OVCH2: variants seen among roughly 807,000 people sequenced by gnomAD.
The protein encoded by OVCH2 is ovochymase 2.
Under a neutral mutation model 73.7 loss-of-function variants are expected in OVCH2, and 88 were observed. That is an observed-to-expected ratio of 1.19 (90% CI 1.01 to 1.43). The LOEUF (loss-of-function observed/expected upper bound fraction) is 1.43. OVCH2 is among the 40% of genes most tolerant of loss of function. The probability of loss-of-function intolerance (pLI) is 0.00; values close to 1 mark genes in which losing one functional copy is unlikely to be tolerated. For synonymous variants in OVCH2, 265 were observed against 234.5 expected (o/e 1.13, Z -1.19); for missense variants, 706 against 674.5 (o/e 1.05, Z -0.52).
intron 12 of OVCH2, among the ~76,000 whole-genome samples, chr11:7,694,302 C>T (rs1856279275): frequency 6.6e-6 from 1 of 152,170 alleles, no homozygotes; most frequent in Non-Finnish European, 1.5e-5. Context: ...CCACACACTG[C>T]TAATCAAATG....
the OVCH2 span, among the ~76,000 whole-genome samples, chr11:7,684,245 A>C: frequency 1.3e-5 from 2 of 152,058 alleles, no homozygotes; most frequent in Non-Finnish European, 1.5e-5. Flanking sequence ...ATCTCATGCC[A>C]CATATATTCC....
intron 13 of OVCH2, 25 bp downstream of exon 13, chr11:7,691,877 G>A (rs760703148): frequency 9.8e-6 from 15 of 1,530,804 alleles, no homozygotes; most frequent in Middle Eastern, 3.3e-4. Context: ...AAACCAGAGC[G>A]AGCTGAGGCT....
Position 7,695,571 on chromosome 11 carries a change from AG to A in OVCH2, c.1280del (p.Pro427LeufsTer8). 6.2e-7 allele frequency: 1 copy of A among 1,612,290 alleles called. No homozygotes were observed. Among genetic ancestry groups the A allele is most frequent in the Non-Finnish European group, 8.5e-7 (1 of 1,178,684 alleles). On this transcript the variant is annotated frameshift_variant and splice_region_variant, in exon 11 of 16. Transcript: ENST00000533663. LOFTEE classifies it high-confidence loss of function. ...TYKALKPNYIPDSGCSYLTVL... is the reference protein window; with the variant it reads ...TYKALKPNYIXDSGCSYLTVL... ...GTGATTAAAAGTAAATGGTTTTACC[AG>A]GAATGTAGTTTGGTTTAAGAGCTTT...
chr11:7,698,688 T>A, intron 8 of OVCH2, 62 bp downstream of exon 8: 2 of 1,548,352 alleles, frequency 1.3e-6, no homozygotes, highest in Non-Finnish European at 1.8e-6. Flanking sequence ...CAGGAACTGA[T>A]ATTCAGAAAT....
At position 7,704,675 on chromosome 11, in the gene OVCH2, C is replaced by T. The variant is rs1482698354; in HGVS notation, c.89-1G>A. The T allele has an allele frequency of 1.9e-6, 3 of 1,600,210 alleles. No individual in the cohort carries two copies. Among genetic ancestry groups the T allele is most frequent in the African/African-American group, 1.3e-5 (1 of 74,350 alleles). ...ACCAGACTCTGCCCACAACTGGGAG[C>T]TGAGAAAAAAACGAGACAAACTAAA... is the stretch of plus-strand genomic sequence containing the variant. On this transcript the variant is annotated splice_acceptor_variant, in intron 1 of 15. Coordinates refer to ENST00000533663, the MANE Select transcript of OVCH2 (RefSeq NM_198185.7). LOFTEE classifies it high-confidence loss of function.
the OVCH2 span, among the ~76,000 whole-genome samples, chr11:7,679,232 TACA>T: frequency 6.6e-6 from 1 of 152,218 alleles, no homozygotes; most frequent in Non-Finnish European, 1.5e-5. Flanking sequence ...TTTCCTGGCA[TACA>T]ACAACTAAAA....
intron 12 of OVCH2, among the ~76,000 whole-genome samples, chr11:7,692,635 A>C (rs1183540621): frequency 6.6e-6 from 1 of 152,192 alleles, no homozygotes; most frequent in Non-Finnish European, 1.5e-5. Context: ...TCGGAGTCAA[A>C]TGTAGTGAGC....
chr11:7,687,012 G>T (rs1856148912), downstream of OVCH2, among the ~76,000 whole-genome samples: 1 of 151,994 alleles, frequency 6.6e-6, no homozygotes, highest in Non-Finnish European at 1.5e-5. Flanking sequence ...CATACTCCTG[G>T]CATGCTTCTG....
At chr11:7,696,310 A>T (rs1856330855) in intron 10 of OVCH2, among the ~76,000 whole-genome samples, 155 bp downstream of exon 10, 1 of 152,200 alleles carries the variant, frequency 6.6e-6, no homozygotes, top group South Asian at 2.1e-4. Context: ...ACCCAGGCTC[A>T]GATTTGGTTC....
intron 12 of OVCH2, among the ~76,000 whole-genome samples, chr11:7,694,138 T>C (rs998063018): frequency 6.6e-6 from 1 of 152,170 alleles, no homozygotes; most frequent in African/African-American, 2.4e-5. Context: ...TTTCTCTCCA[T>C]CGTACACTGT....
chr11:7,688,013 A>G (rs1856161842), downstream of OVCH2, among the ~76,000 whole-genome samples: 2 of 152,146 alleles, frequency 1.3e-5, no homozygotes, highest in African/African-American at 4.8e-5. Flanking sequence ...TCCAAATATC[A>G]TCACAATGGA....
Position 7,691,296 on chromosome 11 carries a change from C to A in OVCH2, c.1612G>T (p.Ala538Ser). 1.9e-6 allele frequency: 3 copies of A among 1,613,400 alleles called. No individual in the cohort carries two copies. Among genetic ancestry groups the A allele is most frequent in the Non-Finnish European group, 2.5e-6 (3 of 1,179,718 alleles). The change falls in exon 14 of 16, where the codon GCT (alanine) becomes TCT (serine). Residue 538 changes from alanine to serine, a missense_variant. Physicochemically the swap from Ala to Ser is moderately conservative, Grantham distance 99. Coordinates refer to ENST00000533663, the MANE Select transcript of OVCH2 (RefSeq NM_198185.7). Reference protein sequence around the residue: ...DENGTCRGFQATVSFIPKAVY... With the variant: ...DENGTCRGFQSTVSFIPKAVY... Reference sequence around the variant, plus strand: ...GCTTTAGGAATGAAGGAGACTGTAGCCTGAAAGCCCCTGCAGGTCCCGTTT... The same window carrying A: ...GCTTTAGGAATGAAGGAGACTGTAGACTGAAAGCCCCTGCAGGTCCCGTTT...
In OVCH2 at chr11:7,695,606, G is replaced by T; in HGVS notation, c.1246C>A (p.Leu416Ile). The T allele has an allele frequency of 6.2e-7, 1 of 1,613,602 alleles. No individual in the cohort carries two copies. Among genetic ancestry groups the T allele is most frequent in the Non-Finnish European group, 8.5e-7 (1 of 1,179,710 alleles). Residue 416 changes from leucine (L) to isoleucine (I), a missense_variant, in exon 11 of 16, where the codon CTT (leucine) becomes ATT (isoleucine). Leu to Ile is a conservative substitution (Grantham distance 5). Transcript: ENST00000533663. ...TTTGGTTTAAGAGCTTTATAGGTAAGATTAAACCCAGCTGCATTATCTGTG... is the reference window on the plus strand; with the variant it reads ...TTTGGTTTAAGAGCTTTATAGGTAATATTAAACCCAGCTGCATTATCTGTG... ...DATDNAAGFNLTYKALKPNYI... is the reference protein window; with the variant it reads ...DATDNAAGFNITYKALKPNYI...
intron 12 of OVCH2, 81 bp from the exon 13 acceptor site, chr11:7,692,076 G>T: frequency 2.0e-6 from 2 of 1,022,122 alleles, no homozygotes; most frequent in Non-Finnish European, 2.9e-6. Flanking sequence ...AATTTGGATT[G>T]CTCAACTTGT....
At chr11:7,679,462 T>C in the OVCH2 span, among the ~76,000 whole-genome samples, 1 of 152,136 alleles carries the variant, frequency 6.6e-6, no homozygotes, top group Non-Finnish European at 1.5e-5. Flanking sequence ...GGTGATTGGA[T>C]TGGGGGGCAG....
chr11:7,689,706 A>ACTAGT (rs1193076821), intron 15 of OVCH2, 104 bp from the exon 16 acceptor site: 1 of 638,194 alleles, frequency 1.6e-6, no homozygotes, highest in African/African-American at 1.8e-5. Flanking sequence ...TAATAAGGAC[A>ACTAGT]CTAGTCATAC....
At chr11:7,684,096 A>G in the OVCH2 span, among the ~76,000 whole-genome samples, 8 of 151,676 alleles carry the variant, frequency 5.3e-5, no homozygotes, top group African/African-American at 1.9e-4. Flanking sequence ...ACTGTTGTCT[A>G]TTTTTCTTAC....
chr11:7,689,857 A>G, intron 15 of OVCH2, 67 bp downstream of exon 15: 3 of 963,516 alleles, frequency 3.1e-6, no homozygotes, highest in Non-Finnish European at 4.8e-6. Flanking sequence ...AATCCATATC[A>G]CCTGCTTCTC....
chr11:7,687,578 A>G (rs1357910604), downstream of OVCH2, among the ~76,000 whole-genome samples: 1 of 152,090 alleles, frequency 6.6e-6, no homozygotes, highest in East Asian at 1.9e-4. Context: ...TATCTTTAGC[A>G]ATCAGACTGT....
Sources: allele counts gnomAD v4.1 joint callset (sites outside exome capture counted in the v4.1 genomes callset), GRCh38; gene constraint gnomAD v4.1.1; transcripts MANE v1.5; gene names NCBI Gene and HGNC (gene_info 2026-07-23, HGNC 2026-07-21).